Variants in XKR3 observed in about 807,000 individuals in gnomAD.
The protein encoded by XKR3 is XK-related protein 3.
In XKR3, 27 loss-of-function variants were observed where a neutral mutation model predicts 40.3. That is an observed-to-expected ratio of 0.67 (90% CI 0.49 to 0.92). The LOEUF is 0.92. Ranked by LOEUF, XKR3 falls within the 40% of genes least tolerant of loss-of-function variation. The probability of loss-of-function intolerance (pLI) is 0.00; values close to 1 mark genes in which losing one functional copy is unlikely to be tolerated. For missense variants in XKR3, 472 were observed against 537.6 expected, an observed-to-expected ratio of 0.88 and a Z score of 1.21; for synonymous variants, 193 against 195.4, an observed-to-expected ratio of 0.99 and a Z score of 0.10.
intron 3 of XKR3, among the ~76,000 whole-genome samples, chr22:16,791,314 T>G (rs2060114724): frequency 2.7e-5 from 4 of 150,206 alleles, no homozygotes; most frequent in East Asian, 1.9e-4. Flanking sequence ...ATGAGAAAAC[T>G]TAAAAAAAAA....
intron 3 of XKR3, among the ~76,000 whole-genome samples, chr22:16,785,868 A>G (rs762500868): frequency 4.6e-4 from 70 of 152,226 alleles, no homozygotes; most frequent in Non-Finnish European, 8.8e-4. Context: ...CAAACAAATA[A>G]ACACTAACAA....
At chr22:16,808,901 A>G (rs1569041658) in intron 1 of XKR3, among the ~76,000 whole-genome samples, 1 of 151,996 alleles carries the variant, frequency 6.6e-6, no homozygotes, top group African/African-American at 2.4e-5. Flanking sequence ...TTAGAGAAAT[A>G]TTTTTCTGAC....
rs185733191 is a variant in XKR3 at position 16,813,288 on chromosome 22, A to C, written c.-10-5205T>G. On this transcript the variant is annotated intron_variant, in intron 1 of 3. Coordinates refer to ENST00000684488, the MANE Select transcript of XKR3 (RefSeq NM_001386955.1). The stretch of plus-strand genomic sequence containing the variant: ...GGCAGAGGAAGACTCTGGCTCAAAA[A>C]AAACAAAAAACAAAAAACAAACAAA... Among the ~76,000 whole-genome samples, 22 of 150,636 alleles carry C rather than the reference A, an allele frequency of 1.5e-4. 2 individuals carry two copies. Among genetic ancestry groups the C allele is most frequent in the African/African-American group, 5.2e-4 (21 of 40,502 alleles).
At chr22:16,813,586 C>T (rs760477032) in intron 1 of XKR3, among the ~76,000 whole-genome samples, 6 of 152,088 alleles carry the variant, frequency 3.9e-5, no homozygotes, top group Non-Finnish European at 5.9e-5. Flanking sequence ...ATGATGCAAA[C>T]CCACTGCAAG....
chr22:16,789,472 T>A (rs1348504916), intron 3 of XKR3, among the ~76,000 whole-genome samples: 1 of 151,758 alleles, frequency 6.6e-6, no homozygotes, highest in East Asian at 1.9e-4. Context: ...ACCAAGGAGG[T>A]AGAAAATAAT....
At chr22:16,798,475 T>A (rs2060152195) in intron 3 of XKR3, among the ~76,000 whole-genome samples, 2 of 152,350 alleles carry the variant, frequency 1.3e-5, no homozygotes, top group Middle Eastern at 3.4e-3. Flanking sequence ...TTAGTGGGTA[T>A]GTACCCAAAG....
intron 3 of XKR3, among the ~76,000 whole-genome samples, chr22:16,797,117 A>G (rs2060144512): frequency 6.6e-6 from 1 of 152,242 alleles, no homozygotes; most frequent in African/African-American, 2.4e-5. Context: ...GGCTAGCCAT[A>G]TGTAGAAGAA....
chr22:16,791,724 A>G (rs2060116983), intron 3 of XKR3, among the ~76,000 whole-genome samples: 1 of 142,580 alleles, frequency 7.0e-6, no homozygotes, highest in Admixed American at 7.1e-5. Context: ...AGAGAGAGGG[A>G]GAGAGGGAGA....
In XKR3 at chr22:16,784,991, G is replaced by A. The variant is rs370331813; in HGVS notation, c.590-582C>T. On this transcript the variant is annotated intron_variant, in intron 3 of 3. Coordinates refer to ENST00000684488, the MANE Select transcript of XKR3 (RefSeq NM_001386955.1). Reference sequence around the variant, plus strand: ...GAGTGATGGAATACAAGGTACTAGAGAAGCAGAAAAAAATAAAAAGCTACA... The same window carrying A: ...GAGTGATGGAATACAAGGTACTAGAAAAGCAGAAAAAAATAAAAAGCTACA... Among the ~76,000 whole-genome samples, 263 of 152,274 alleles carry A rather than the reference G, an allele frequency of 1.7e-3. 5 individuals carry two copies. Among genetic ancestry groups the A allele is most frequent in the African/African-American group, 5.9e-3 (247 of 41,576 alleles).
At chr22:16,817,313 T>C (rs1431338960) in intron 1 of XKR3, among the ~76,000 whole-genome samples, 1 of 150,552 alleles carries the variant, frequency 6.6e-6, no homozygotes, top group Non-Finnish European at 1.5e-5. Flanking sequence ...TTCCCCTTAG[T>C]GTGTCTTTTT....
In XKR3 at chr22:16,784,019, A is replaced by T. The variant is rs2060078070; in HGVS notation, c.980T>A (p.Leu327Gln). Residue 327 changes from leucine (L) to glutamine (Q), a missense_variant, in exon 4 of 4, where the codon CTG (leucine) becomes CAG (glutamine). Transcript: ENST00000684488. ...AATTATTTTGTCATCTGACAACTGCAGTTTCACTGCTGACCAGCAGGAGAA... is the reference window on the plus strand; with the variant it reads ...AATTATTTTGTCATCTGACAACTGCTGTTTCACTGCTGACCAGCAGGAGAA... ...INFSCWSAVK[L>Q]QLSDDKIIDG... The T allele has an allele frequency of 1.2e-6, 2 of 1,614,234 alleles. No homozygotes were observed. The highest frequency in any genetic ancestry group is 1.7e-6 in the Non-Finnish European group (2 of 1,180,038).
In XKR3 at chr22:16,803,309, A is replaced by G. The variant is rs113694960; in HGVS notation, c.336-3285T>C. ...TGAACCACAGACAAAAAAGTCCTCA[A>G]CACCACACTAGAAAGCCACACTCAG... On this transcript the variant is annotated intron_variant, in intron 2 of 3. Transcript: ENST00000684488. Among the ~76,000 whole-genome samples the G allele has an allele frequency of 5.7e-3, 864 of 152,306 alleles. 12 individuals are homozygous for G. Among genetic ancestry groups the G allele is most frequent in the African/African-American group, 0.02 (830 of 41,570 alleles).
chr22:16,784,378 A>T lies in XKR3; in HGVS notation c.621T>A (p.Val207=), dbSNP rs1601837498. 3.1e-6 allele frequency: 5 copies of T among 1,604,002 alleles called. 1 individual carries two copies. In the Admixed American group the frequency reaches 8.6e-5, roughly 28 times the overall value. Residue 207 remains valine (V), a synonymous_variant, in exon 4 of 4, where the codon GTT becomes GTA. Transcript: ENST00000684488. The part of the protein sequence containing the change: ...ALLMTFSLLS[V]TYGAIRCNIL... Reference sequence around the variant, plus strand: ...TATTGCAGCGAATGGCCCCATAAGTAACTGATAACAGGGAAAATGTCATCA... The same window carrying T: ...TATTGCAGCGAATGGCCCCATAAGTTACTGATAACAGGGAAAATGTCATCA...
intron 3 of XKR3, among the ~76,000 whole-genome samples, chr22:16,788,416 A>G (rs2060100081): frequency 6.6e-6 from 1 of 152,132 alleles, no homozygotes; most frequent in East Asian, 1.9e-4. Context: ...TAATAAATAT[A>G]ATCAGAGACA....
intron 2 of XKR3, among the ~76,000 whole-genome samples, chr22:16,805,590 A>G (rs1601846589): frequency 6.6e-6 from 1 of 152,174 alleles, no homozygotes; most frequent in East Asian, 1.9e-4. Flanking sequence ...AGAAACAATC[A>G]ACTGATCAGT....
chr22:16,792,052 T>C (rs1181413744), intron 3 of XKR3, among the ~76,000 whole-genome samples: 1 of 152,062 alleles, frequency 6.6e-6, no homozygotes, highest in African/African-American at 2.4e-5. Context: ...AGCCATTCTC[T>C]TGCCTCAGCC....
intron 1 of XKR3, among the ~76,000 whole-genome samples, chr22:16,812,243 G>A (rs1308468864): frequency 6.6e-6 from 1 of 152,088 alleles, no homozygotes; most frequent in Non-Finnish European, 1.5e-5. Flanking sequence ...TATGTCACTG[G>A]GGCACATTCA....
chr22:16,818,299 G>C (rs1358397720), intron 1 of XKR3, among the ~76,000 whole-genome samples: 1 of 152,094 alleles, frequency 6.6e-6, no homozygotes, highest in East Asian at 1.9e-4. Context: ...AAACACCACG[G>C]ACATAATGAC....
chr22:16,788,480 A>T (rs2060100443), intron 3 of XKR3, among the ~76,000 whole-genome samples: 1 of 152,160 alleles, frequency 6.6e-6, no homozygotes. Context: ...TAAGAAATCA[A>T]ATCAGCAATA....
Sources: allele counts gnomAD v4.1 joint callset (sites outside exome capture counted in the v4.1 genomes callset), GRCh38; gene constraint gnomAD v4.1.1; transcripts MANE v1.5; gene names NCBI Gene and HGNC (gene_info 2026-07-23, HGNC 2026-07-21).